TXNDC5: variants seen among roughly 807,000 people sequenced by gnomAD.
TXNDC5 encodes thioredoxin domain containing 5.
A neutral mutation model predicts 52.6 loss-of-function variants in TXNDC5; 44 were observed. The observed-to-expected ratio is 0.84, with a 90% CI of 0.66 to 1.08. The LOEUF is 1.08. TXNDC5 is among the 50% of genes least tolerant of loss of function. TXNDC5 has a pLI of 0.00. For missense variants in TXNDC5, 600 were observed against 565.5 expected, an observed-to-expected ratio of 1.06 and a Z score of -0.62; for synonymous variants, 241 against 234.4, an observed-to-expected ratio of 1.03 and a Z score of -0.26.
In TXNDC5 at chr6:7,910,601, T is replaced by C; in HGVS notation, c.176A>G (p.Asp59Gly). ...CGTGTACAGGTGCTTGCTGTGCGGG[T>C]CCTGTCCGTCCTCGCCGTCTGCCGC... ...PPAADGEDGQ[D>G]PHSKHLYTAD... Residue 59 changes from aspartate (D) to glycine (G), a missense_variant, in exon 1 of 10, where the codon GAC becomes GGC. Transcript: ENST00000379757. The C allele has an allele frequency of 2.2e-6, 3 of 1,359,216 alleles. No individual in the cohort carries two copies. Among genetic ancestry groups the C allele is most frequent in the Non-Finnish European group, 2.9e-6 (3 of 1,035,628 alleles). 84.2% of individuals were successfully genotyped at this position (1,359,216 alleles called of 1,614,324 possible).
Position 7,884,371 on chromosome 6 carries a change from G to A in TXNDC5, c.1164C>T (p.Cys388=). ...EVDCTAERNI[C]SKYSVRGYPT... Reference sequence around the variant, plus strand: ...TCCAAGTACCCACCGAATACTTGCTGCAGATATTCCGTTCAGCAGTGCAGT... The same window carrying A: ...TCCAAGTACCCACCGAATACTTGCTACAGATATTCCGTTCAGCAGTGCAGT... Residue 388 remains cysteine, a synonymous_variant, in exon 9 of 10, where the codon TGC becomes TGT. Transcript: ENST00000379757. The A allele has an allele frequency of 3.7e-6, 6 of 1,614,098 alleles. No homozygotes were observed. Among genetic ancestry groups the A allele is most frequent in the Non-Finnish European group, 5.1e-6 (6 of 1,179,982 alleles).
In TXNDC5 at chr6:7,887,165, T is replaced by C. The variant is rs116582518; in HGVS notation, c.964-1122A>G. On this transcript the variant is annotated intron_variant, in intron 7 of 9. Coordinates refer to ENST00000379757, the MANE Select transcript of TXNDC5 (RefSeq NM_030810.5). ...TACAAGAGCCCAACTAGGGACAGGGTTGTAGGGGTGAGGAGGCCTGGTGTG... is the reference window on the plus strand; with the variant it reads ...TACAAGAGCCCAACTAGGGACAGGGCTGTAGGGGTGAGGAGGCCTGGTGTG... Among the ~76,000 whole-genome samples, 587 of 151,882 alleles carry C rather than the reference T, an allele frequency of 3.9e-3. 3 individuals carry two copies. The highest frequency in any genetic ancestry group is 0.013 in the African/African-American group (557 of 41,464).
intron 5 of TXNDC5, 46 bp from the exon 6 acceptor site, chr6:7,889,627 C>A: frequency 6.7e-7 from 1 of 1,494,470 alleles, no homozygotes; most frequent in Non-Finnish European, 9.3e-7. Context: ...TCTTCATGAA[C>A]CTTCTTGCTA....
intron 2 of TXNDC5, among the ~76,000 whole-genome samples, chr6:7,902,897 G>A (rs1274136327): frequency 6.6e-6 from 1 of 152,122 alleles, no homozygotes; most frequent in Non-Finnish European, 1.5e-5. Context: ...ATGGTTTTTG[G>A]TGAATACCAA....
At chr6:7,896,606 G>A (rs987046213) in intron 3 of TXNDC5, among the ~76,000 whole-genome samples, 6 of 152,318 alleles carry the variant, frequency 3.9e-5, no homozygotes, top group South Asian at 2.1e-4. Flanking sequence ...TGCTGCCAGC[G>A]CGTCAAGACT....
intron 7 of TXNDC5, among the ~76,000 whole-genome samples, chr6:7,886,481 C>T (rs1759988086): frequency 6.6e-6 from 1 of 152,230 alleles, no homozygotes; most frequent in South Asian, 2.1e-4. Context: ...CCGCTTTTCT[C>T]ACTGGCCACC....
intron 5 of TXNDC5, among the ~76,000 whole-genome samples, chr6:7,890,622 AATGT>A (rs1760157449): frequency 6.6e-6 from 1 of 152,232 alleles, no homozygotes; most frequent in South Asian, 2.1e-4. Context: ...ACTTCCCCGA[AATGT>A]TCAATAAATA....
At chr6:7,883,517 A>C (rs1451429610) in intron 9 of TXNDC5, among the ~76,000 whole-genome samples, 1 of 152,096 alleles carries the variant, frequency 6.6e-6, no homozygotes, top group South Asian at 2.1e-4. Flanking sequence ...CTTTACCCTA[A>C]AGCAGACGCT....
intron 2 of TXNDC5, 21 bp downstream of exon 2, chr6:7,904,553 G>A (rs984126396): frequency 1.9e-6 from 3 of 1,612,484 alleles, no homozygotes; most frequent in African/African-American, 2.7e-5. Context: ...TAGGAAGTGT[G>A]CCCCCTTCCT....
Position 7,910,596 on chromosome 6 carries a change from G to A in TXNDC5, c.181C>T (p.His61Tyr), listed in dbSNP as rs1194021458. 1 of 1,415,752 alleles carries A rather than the reference G, an allele frequency of 7.1e-7. No individual in the cohort carries two copies. The highest frequency in any genetic ancestry group is 2.5e-5 in the Admixed American group (1 of 40,230). The allele number at this position is 1,415,752 out of a possible 1,614,324, so 87.7% of individuals were successfully genotyped here. The change falls in exon 1 of 10, where the codon CAC (histidine) becomes TAC (tyrosine). Residue 61 changes from histidine to tyrosine, a missense_variant. Transcript: ENST00000379757. ...TCGGCCGTGTACAGGTGCTTGCTGT[G>A]CGGGTCCTGTCCGTCCTCGCCGTCT... is the stretch of plus-strand genomic sequence containing the variant. ...AADGEDGQDP[H>Y]SKHLYTADMF... is the part of the protein sequence containing the mutation.
intron 1 of TXNDC5, 50 bp from the exon 2 acceptor site, chr6:7,904,773 G>C (rs1268366904): frequency 6.2e-7 from 1 of 1,611,284 alleles, no homozygotes; most frequent in East Asian, 2.2e-5. Context: ...TCACAGGGCA[G>C]CTGGCCCACA....
chr6:7,908,879 C>A (rs1375553719), intron 1 of TXNDC5, among the ~76,000 whole-genome samples: 1 of 152,120 alleles, frequency 6.6e-6, no homozygotes, highest in African/African-American at 2.4e-5. Context: ...GAAAACCCAT[C>A]GACAGATGTA....
chr6:7,899,063 C>T (rs1048117424), intron 3 of TXNDC5, among the ~76,000 whole-genome samples: 2 of 151,754 alleles, frequency 1.3e-5, no homozygotes, highest in Admixed American at 6.6e-5. Context: ...GGGCAAAGGT[C>T]GGGGGGATGG....
At chr6:7,905,445 T>C (rs1333547803) in intron 1 of TXNDC5, among the ~76,000 whole-genome samples, 2 of 152,380 alleles carry the variant, frequency 1.3e-5, no homozygotes, top group South Asian at 4.1e-4. Context: ...CCTATACTTC[T>C]AGGGTTGAAG....
chr6:7,893,997 T>A (rs550144587), intron 4 of TXNDC5, among the ~76,000 whole-genome samples: 13 of 152,354 alleles, frequency 8.5e-5, no homozygotes, highest in African/African-American at 2.9e-4. Context: ...GGAAATTTTA[T>A]GGGGATCATT....
intron 9 of TXNDC5, 132 bp from the exon 10 acceptor site, chr6:7,883,398 A>C: frequency 7.6e-7 from 1 of 1,321,928 alleles, no homozygotes; most frequent in Non-Finnish European, 1.0e-6. Context: ...AAAGGTGTAT[A>C]TTCCATTAAA....
At position 7,895,192 on chromosome 6, in the gene TXNDC5, G is replaced by A. The variant is rs1006368317; in HGVS notation, c.530C>T (p.Pro177Leu). The A allele has an allele frequency of 1.9e-5, 31 of 1,612,836 alleles. No homozygotes were observed. Among genetic ancestry groups the A allele is most frequent in the Middle Eastern group, 1.7e-4 (1 of 6,060 alleles). ...TLNEEPVTPE[P>L]EVEPPSAPEL... is the part of the protein sequence containing the mutation. ...GGGGGCACTGGGCGGTTCCACTTCC[G>A]GCTCTGGTGTCTAACAGGAGGAAAT... Residue 177 changes from proline (P) to leucine (L), a missense_variant, in exon 4 of 10, where the codon CCG (proline) becomes CTG (leucine). Physicochemically the swap from Pro to Leu is moderately conservative, Grantham distance 98. Transcript: ENST00000379757.
chr6:7,897,503 G>T (rs1760413841), intron 3 of TXNDC5, among the ~76,000 whole-genome samples: 1 of 152,184 alleles, frequency 6.6e-6, no homozygotes, highest in South Asian at 2.1e-4. Context: ...CATTGTCATT[G>T]TTTCTGGCAA....
chr6:7,894,738 C>A (rs1400224777), intron 4 of TXNDC5: 1 of 985,328 alleles, frequency 1.0e-6, no homozygotes, highest in East Asian at 1.1e-4. Flanking sequence ...CTGCCAGATG[C>A]TGGGCTGCCA....
Sources: allele counts gnomAD v4.1 joint callset (sites outside exome capture counted in the v4.1 genomes callset), GRCh38; gene constraint gnomAD v4.1.1; transcripts MANE v1.5; gene names NCBI Gene and HGNC (gene_info 2026-07-23, HGNC 2026-07-21).